MFSD11: variants seen among roughly 807,000 people sequenced by gnomAD.
MFSD11 encodes the protein UNC93-like protein MFSD11.
MFSD11 carries 36 observed loss-of-function variants against 53.5 expected under a neutral mutation model. The observed-to-expected ratio is 0.67, with a 90% CI of 0.52 to 0.89. The LOEUF is 0.89. Ranked by LOEUF, MFSD11 falls within the 40% of genes least tolerant of loss-of-function variation. The pLI is 0.00. For missense variants in MFSD11, 530 were observed against 543.9 expected, an observed-to-expected ratio of 0.97 and a Z score of 0.25; for synonymous variants, 186 against 184.9, an observed-to-expected ratio of 1.01 and a Z score of -0.05.
chr17:76,774,261 C>CT (rs916970324), intron 10 of MFSD11, among the ~76,000 whole-genome samples: 9 of 151,916 alleles, frequency 5.9e-5, no homozygotes, highest in South Asian at 4.1e-4. Context: ...TTTTTTCTTT[C>CT]TTTTTTTAAA....
chr17:76,753,039 A>AC (rs2079200942), intron 7 of MFSD11: 1 of 151,478 alleles, frequency 6.6e-6, no homozygotes, highest in African/African-American at 2.4e-5. Flanking sequence ...GTTCCATAAA[A>AC]AAAAAAAATC....
chr17:76,746,659 G>A lies in MFSD11; in HGVS notation c.641+2193G>A, dbSNP rs527503816. On this transcript the variant is annotated intron_variant, in intron 7 of 12. Transcript: ENST00000685175. ...TTAAGAATCATGCTTAATCTACTCTGCCTGGGCTCTAGAAATGCAGTGACA... is the reference window on the plus strand; with the variant it reads ...TTAAGAATCATGCTTAATCTACTCTACCTGGGCTCTAGAAATGCAGTGACA... Among the ~76,000 whole-genome samples the A allele has an allele frequency of 9.2e-5, 14 of 152,304 alleles. No individual in the cohort carries two copies. The South Asian group carries it at 2.9e-3, about 32-fold the overall frequency.
At chr17:76,762,637 C>A (rs533233913) in intron 8 of MFSD11, among the ~76,000 whole-genome samples, 2 of 126,988 alleles carry the variant, frequency 1.6e-5, no homozygotes, top group Admixed American at 9.6e-5. Context: ...GCCTGGGCGA[C>A]TGAGCGAGAC....
At chr17:76,762,149 A>G (rs761243031) in intron 8 of MFSD11, among the ~76,000 whole-genome samples, 1 of 152,024 alleles carries the variant, frequency 6.6e-6, no homozygotes, top group Non-Finnish European at 1.5e-5. Flanking sequence ...TATTGCACCC[A>G]TTCCTCTACT....
intron 1 of MFSD11, 21 bp from the exon 2 acceptor site, chr17:76,738,917 T>G: frequency 1.9e-6 from 3 of 1,610,300 alleles, no homozygotes; most frequent in East Asian, 2.2e-5. Context: ...TTTTCGTTGA[T>G]TAGTTTTATC....
chr17:76,758,476 G>A (rs891754344), intron 8 of MFSD11, among the ~76,000 whole-genome samples: 3 of 151,652 alleles, frequency 2.0e-5, no homozygotes, highest in African/African-American at 4.9e-5. Flanking sequence ...CCAGCTACTT[G>A]GGAGGCTGAG....
chr17:76,769,944 C>G, intron 10 of MFSD11, 73 bp downstream of exon 10: 1 of 1,377,150 alleles, frequency 7.3e-7, no homozygotes, highest in East Asian at 2.4e-5. Flanking sequence ...TTTAAGTGTG[C>G]TTCACCTTTG....
intron 9 of MFSD11, among the ~76,000 whole-genome samples, chr17:76,768,703 G>T (rs566196982): frequency 4.6e-5 from 7 of 152,056 alleles, no homozygotes; most frequent in African/African-American, 1.7e-4. Context: ...ATTGAATAGG[G>T]GCTGGGCACA....
chr17:76,785,986 C>T (rs1227903584), downstream of MFSD11, among the ~76,000 whole-genome samples: 1 of 145,480 alleles, frequency 6.9e-6, no homozygotes, highest in African/African-American at 2.5e-5. Context: ...GAGGCACGAG[C>T]ATCACTTGAA....
In MFSD11 at chr17:76,742,196, A is replaced by G. The variant is rs2078149227; in HGVS notation, c.360A>G (p.Gly120=). The G allele has an allele frequency of 6.2e-7, 1 of 1,614,224 alleles. No individual in the cohort carries two copies. The highest frequency in any genetic ancestry group is 8.5e-7 in the Non-Finnish European group (1 of 1,180,040). ...IAAAVLWTAQ[G]NCLTINSDEH... is the part of the protein sequence containing the mutation. ...TTTTAGTGCTTTGGACAGCACAAGG[A>G]AACTGCCTGACAATCAATTCGGATG... Residue 120 remains glycine (G), a synonymous_variant, in exon 5 of 13, where the codon GGA becomes GGG. Coordinates refer to ENST00000685175, the MANE Select transcript of MFSD11 (RefSeq NM_001242532.5).
downstream of MFSD11, among the ~76,000 whole-genome samples, chr17:76,780,467 C>T (rs1306438713): frequency 3.3e-5 from 5 of 150,752 alleles, no homozygotes; most frequent in Admixed American, 1.3e-4. Flanking sequence ...GCCACCGTGC[C>T]TAGGAAGAGC....
the MFSD11 span, among the ~76,000 whole-genome samples, chr17:76,798,664 C>G: frequency 6.6e-6 from 1 of 152,102 alleles, no homozygotes; most frequent in Non-Finnish European, 1.5e-5. Flanking sequence ...TAGTAAAGGT[C>G]TGAGCCTCAA....
At chr17:76,752,085 A>T (rs1421659572) in intron 7 of MFSD11, among the ~76,000 whole-genome samples, 1 of 152,226 alleles carries the variant, frequency 6.6e-6, no homozygotes, top group Non-Finnish European at 1.5e-5. Flanking sequence ...CTGCTTTGTG[A>T]AAATTGCAGA....
the MFSD11 span, among the ~76,000 whole-genome samples, chr17:76,788,597 A>G: frequency 6.7e-6 from 1 of 149,416 alleles, no homozygotes; most frequent in Non-Finnish European, 1.5e-5. Flanking sequence ...CATGCCTGTA[A>G]TCTCAGCACT....
At chr17:76,768,040 C>T (rs1351511146) in intron 9 of MFSD11, among the ~76,000 whole-genome samples, 5 of 152,130 alleles carry the variant, frequency 3.3e-5, no homozygotes, top group African/African-American at 7.2e-5. Flanking sequence ...CAGTGGCTCA[C>T]GCCTGTAATC....
chr17:76,748,601 GCT>G (rs1275962178), intron 7 of MFSD11, among the ~76,000 whole-genome samples: 1 of 151,886 alleles, frequency 6.6e-6, no homozygotes, highest in Non-Finnish European at 1.5e-5. Flanking sequence ...GTAGGGGGAA[GCT>G]TCAGCAAAGG....
At chr17:76,789,643 G>A in the MFSD11 span, among the ~76,000 whole-genome samples, 2 of 150,086 alleles carry the variant, frequency 1.3e-5, no homozygotes, top group African/African-American at 4.9e-5. Flanking sequence ...ACAACTGCCT[G>A]ACCATCACCT....
In MFSD11 at chr17:76,738,200, A is replaced by G; in HGVS notation, c.-153A>G. The stretch of plus-strand genomic sequence containing the variant: ...ACTTCGCCCTAAACCTGGGGTTCCG[A>G]TCCAGGAACTGGAAGTTGACAGCTT... On this transcript the variant is annotated 5_prime_UTR_variant, in exon 1 of 13. Coordinates refer to ENST00000685175, the MANE Select transcript of MFSD11 (RefSeq NM_001242532.5). The G allele has an allele frequency of 1.6e-6, 1 of 620,770 alleles. No homozygotes were observed. Among genetic ancestry groups the G allele is most frequent in the Non-Finnish European group, 2.9e-6 (1 of 349,772 alleles). The allele number at this position is 620,770 out of a possible 1,614,324, so 38.5% of individuals were successfully genotyped here.
intron 8 of MFSD11, among the ~76,000 whole-genome samples, chr17:76,755,812 A>ATATATTTT (rs1555669398): frequency 5.1e-5 from 1 of 19,518 alleles, no homozygotes; most frequent in African/African-American, 1.6e-4. Flanking sequence ...ATATATATAT[A>ATATATTTT]TTTTTTTTTT....
Sources: gnomAD v4.1 joint callset for allele counts (sites outside exome capture counted in the v4.1 genomes callset) on GRCh38, gnomAD v4.1.1 for gene constraint, MANE v1.5 for transcripts, NCBI Gene and HGNC (gene_info 2026-07-23, HGNC 2026-07-21) for gene names.